The following ITGB8 variants were observed in gnomAD, a reference collection of about 807,000 sequenced individuals.
ITGB8 encodes integrin beta-8.
A neutral mutation model predicts 89.5 loss-of-function variants in ITGB8; 30 were observed. The ratio of observed to expected loss-of-function variants is 0.34; its 90% CI spans 0.25 to 0.45. ITGB8 has a LOEUF of 0.45. Ranked by LOEUF, ITGB8 falls within the 20% of genes least tolerant of loss-of-function variation. ITGB8 has a pLI of 1.00. For missense variants in ITGB8, 836 were observed against 933.3 expected (o/e 0.90, Z 1.36); for synonymous variants, 335 against 320.4 (o/e 1.05, Z -0.49).
intron 1 of ITGB8, among the ~76,000 whole-genome samples, chr7:20,358,410 C>T (rs1213846275): frequency 6.6e-6 from 1 of 151,390 alleles, no homozygotes; most frequent in Non-Finnish European, 1.5e-5. Context: ...ATATTAGCAT[C>T]ATTTTTTTCT....
chr7:20,373,082 C>A (rs985220036), intron 3 of ITGB8, among the ~76,000 whole-genome samples: 3 of 152,098 alleles, frequency 2.0e-5, no homozygotes, highest in Admixed American at 2.0e-4. Flanking sequence ...TGATTTATCA[C>A]TTTATTCTTC....
At position 20,413,390 on chromosome 7, in the gene ITGB8, T is replaced by G. The variant is rs1364113681; in HGVS notation, c.*3393T>G. ...ATATTTACTTAATATCCACTGAAGA[T>G]ATCTTTATGCAAGACAAGAGTCAGC... On this transcript the variant is annotated 3_prime_UTR_variant, in exon 14 of 14. Transcript: ENST00000222573. 1 of 152,564 alleles carries G rather than the reference T, an allele frequency of 6.6e-6. No homozygotes were observed. The highest frequency in any genetic ancestry group is 1.5e-5 in the Non-Finnish European group (1 of 67,972). The allele number at this position is 152,564 out of a possible 1,614,324, so 9.5% of individuals were successfully genotyped here. A position where few individuals can be genotyped will look rare whatever the true frequency, so the allele number is the denominator to read the frequency against.
intron 6 of ITGB8, among the ~76,000 whole-genome samples, chr7:20,387,911 C>T (rs528460591): frequency 6.6e-6 from 1 of 152,258 alleles, no homozygotes; most frequent in South Asian, 2.1e-4. Flanking sequence ...CCTCTTTCCT[C>T]TAAAAAATCA....
intron 10 of ITGB8, among the ~76,000 whole-genome samples, chr7:20,403,898 T>C (rs377573615): frequency 1.3e-5 from 2 of 152,322 alleles, no homozygotes; most frequent in East Asian, 1.9e-4. Context: ...ATTGGCATAT[T>C]AAGTTTTGGA....
rs764213303 is a variant in ITGB8 at position 20,410,198 on chromosome 7, T to G, written c.*201T>G. On this transcript the variant is annotated 3_prime_UTR_variant, in exon 14 of 14. Transcript: ENST00000222573. ...TGACTTTTTCAGAGAAAAATGTGTC[T>G]TACTACTGTTTGAGACTAGTGTCGT... The G allele has an allele frequency of 2.3e-5, 13 of 562,848 alleles. No individual in the cohort carries two copies. The highest frequency in any genetic ancestry group is 3.5e-5 in the Non-Finnish European group (11 of 317,256). The allele number at this position is 562,848 out of a possible 1,614,324, so 34.9% of individuals were successfully genotyped here.
intron 1 of ITGB8, among the ~76,000 whole-genome samples, chr7:20,333,195 C>T (rs1370981620): frequency 6.6e-6 from 1 of 152,026 alleles, no homozygotes; most frequent in Non-Finnish European, 1.5e-5. Flanking sequence ...GAAATTGTTG[C>T]ATATACAGTT....
At chr7:20,401,041 C>T (rs1306030295) in intron 9 of ITGB8, among the ~76,000 whole-genome samples, 1 of 152,078 alleles carries the variant, frequency 6.6e-6, no homozygotes, top group Non-Finnish European at 1.5e-5. Context: ...GTGGTGCAAT[C>T]TCGGCTCACT....
At chr7:20,344,989 C>A (rs10950802) in intron 1 of ITGB8, among the ~76,000 whole-genome samples, 1 of 151,666 alleles carries the variant, frequency 6.6e-6, no homozygotes, top group African/African-American at 2.4e-5. Context: ...ATTAAAGAAA[C>A]AGAATGTATA....
At chr7:20,340,123 C>T (rs369270868) in intron 1 of ITGB8, among the ~76,000 whole-genome samples, 2 of 152,228 alleles carry the variant, frequency 1.3e-5, no homozygotes, top group Non-Finnish European at 2.9e-5. Flanking sequence ...AGCCAACCAT[C>T]ACTGCTATAA....
chr7:20,369,138 C>T (rs1785827014), intron 3 of ITGB8, among the ~76,000 whole-genome samples: 1 of 152,146 alleles, frequency 6.6e-6, no homozygotes, highest in African/African-American at 2.4e-5. Context: ...CCTCTTCACT[C>T]TTCATTTTCC....
At chr7:20,409,089 A>G (rs1163279230) in intron 12 of ITGB8, among the ~76,000 whole-genome samples, 2 of 152,214 alleles carry the variant, frequency 1.3e-5, no homozygotes, top group Non-Finnish European at 2.9e-5. Context: ...TTATTCACCT[A>G]TTGGAGTAGT....
In ITGB8 at chr7:20,331,303, T is replaced by A; in HGVS notation, c.-504T>A. 1 of 368,626 alleles carries A rather than the reference T, an allele frequency of 2.7e-6. No individual in the cohort carries two copies. Among genetic ancestry groups the A allele is most frequent in the Non-Finnish European group, 4.8e-6 (1 of 207,454 alleles). The allele number at this position is 368,626 out of a possible 1,614,324, so 22.8% of individuals were successfully genotyped here. A position where few individuals can be genotyped will look rare whatever the true frequency, so the allele number is the denominator to read the frequency against. ...CTGATTGATGCGCCACAGACTTTTT[T>A]CCCCTCGACCTCGCCGGCGTCCCCT... On this transcript the variant is annotated 5_prime_UTR_variant, in exon 1 of 14. Transcript: ENST00000222573.
chr7:20,349,324 A>C (rs1785035744), intron 1 of ITGB8, among the ~76,000 whole-genome samples: 1 of 151,816 alleles, frequency 6.6e-6, no homozygotes, highest in African/African-American at 2.4e-5. Flanking sequence ...ACTATTGATC[A>C]TAATATTAGG....
In ITGB8 at chr7:20,375,033, A is replaced by G. The variant is rs565311400; in HGVS notation, c.389-4018A>G. Among the ~76,000 whole-genome samples, 52 of 152,336 alleles carry G rather than the reference A, an allele frequency of 3.4e-4. 1 individual carries two copies. The South Asian group carries it at 9.7e-3, about 28-fold the overall frequency. On this transcript the variant is annotated intron_variant, in intron 3 of 13. Coordinates refer to ENST00000222573, the MANE Select transcript of ITGB8 (RefSeq NM_002214.3). The stretch of plus-strand genomic sequence containing the variant: ...ATATCCCAGTATTCTGGCATGCTAG[A>G]GTTCAATTGAAATGTTTAACTTGAT...
At chr7:20,353,792 C>G (rs1295431597) in intron 1 of ITGB8, among the ~76,000 whole-genome samples, 2 of 150,422 alleles carry the variant, frequency 1.3e-5, no homozygotes, top group African/African-American at 2.5e-5. Flanking sequence ...ATTAGCCAGG[C>G]GTGGTGGCGC....
rs555170583 is a variant in ITGB8 at position 20,411,856 on chromosome 7, G to A, written c.*1859G>A. On this transcript the variant is annotated 3_prime_UTR_variant, in exon 14 of 14. Coordinates refer to ENST00000222573, the MANE Select transcript of ITGB8 (RefSeq NM_002214.3). Reference sequence around the variant, plus strand: ...CCTGGAGTTCTCCAGTGCTCAGCTTGAGACCTTGATACACGGGCCATGAGC... The same window carrying A: ...CCTGGAGTTCTCCAGTGCTCAGCTTAAGACCTTGATACACGGGCCATGAGC... The A allele has an allele frequency of 1.7e-4, 26 of 152,366 alleles. 1 individual carries two copies. Among genetic ancestry groups the A allele is most frequent in the African/African-American group, 6.0e-4 (25 of 41,564 alleles). The allele number at this position is 152,366 out of a possible 1,614,324, so 9.4% of individuals were successfully genotyped here.
chr7:20,385,108 T>C (rs1786554208), intron 6 of ITGB8, among the ~76,000 whole-genome samples: 1 of 152,162 alleles, frequency 6.6e-6, no homozygotes, highest in African/African-American at 2.4e-5. Context: ...TTCTCCAGGG[T>C]TATTTCTACC....
chr7:20,334,812 T>C (rs1784523310), intron 1 of ITGB8, among the ~76,000 whole-genome samples: 1 of 152,222 alleles, frequency 6.6e-6, no homozygotes. Flanking sequence ...GCAAAGTAGC[T>C]GATATGCTTT....
chr7:20,344,514 C>T (rs749161633), intron 1 of ITGB8, among the ~76,000 whole-genome samples: 3 of 152,064 alleles, frequency 2.0e-5, no homozygotes, highest in Non-Finnish European at 2.9e-5. Context: ...TAAATGTGTG[C>T]GTAAAGACTG....
Sources: allele counts gnomAD v4.1 joint callset (sites outside exome capture counted in the v4.1 genomes callset), GRCh38; gene constraint gnomAD v4.1.1; transcripts MANE v1.5; gene names NCBI Gene and HGNC (gene_info 2026-07-23, HGNC 2026-07-21).